Variants in TRIM37 observed in about 807,000 individuals in gnomAD.
The protein encoded by TRIM37 is tripartite motif containing 37, also known as E3 ubiquitin-protein ligase TRIM37.
Under a neutral mutation model 129.8 loss-of-function variants are expected in TRIM37, and 80 were observed. That is an observed-to-expected ratio of 0.62 (90% CI 0.51 to 0.74). TRIM37 has a LOEUF of 0.74. Ranked by LOEUF, TRIM37 falls within the 30% of genes least tolerant of loss-of-function variation. The pLI, the probability that TRIM37 is intolerant of heterozygous loss-of-function variation, is 0.00. For synonymous variants in TRIM37, 389 were observed against 387.1 expected, an observed-to-expected ratio of 1.00 and a Z score of -0.06; for missense variants, 1,054 against 1,176.5, an observed-to-expected ratio of 0.90 and a Z score of 1.52.
At chr17:59,043,403 A>C (rs1302324154) in intron 16 of TRIM37, among the ~76,000 whole-genome samples, 1 of 152,218 alleles carries the variant, frequency 6.6e-6, no homozygotes, top group Non-Finnish European at 1.5e-5. Flanking sequence ...ACTGGGTAAG[A>C]CAAGTGGGCA....
the TRIM37 span, chr17:58,972,167 C>T: frequency 6.2e-7 from 1 of 1,613,914 alleles, no homozygotes; most frequent in East Asian, 2.2e-5. Context: ...TGGTGACTTT[C>T]ATCAGAGGCA....
At chr17:59,047,163 GA>G (rs776978529) in intron 16 of TRIM37, among the ~76,000 whole-genome samples, 90 of 137,076 alleles carry the variant, frequency 6.6e-4, no homozygotes, top group Middle Eastern at 3.8e-3. Flanking sequence ...AAAAAAAAAG[GA>G]AAAAAAAAAA....
intron 2 of TRIM37, among the ~76,000 whole-genome samples, chr17:59,092,099 A>G (rs2044445468): frequency 6.6e-6 from 1 of 152,136 alleles, no homozygotes; most frequent in African/African-American, 2.4e-5. Context: ...AAGTCTTAAA[A>G]CAGTTTCACA....
At chr17:59,093,987 C>T (rs754612345) in intron 2 of TRIM37, among the ~76,000 whole-genome samples, 1 of 152,136 alleles carries the variant, frequency 6.6e-6, no homozygotes, top group Non-Finnish European at 1.5e-5. Context: ...CTCTGCCTCC[C>T]GGGTTCAAGC....
intron 13 of TRIM37, among the ~76,000 whole-genome samples, chr17:59,054,548 C>A (rs1433850206): frequency 6.6e-6 from 1 of 152,172 alleles, no homozygotes; most frequent in African/African-American, 2.4e-5. Flanking sequence ...GTGATCCACC[C>A]ACCTCAGCCT....
chr17:59,077,754 G>C (rs1159577205), intron 7 of TRIM37, among the ~76,000 whole-genome samples: 2 of 141,392 alleles, frequency 1.4e-5, no homozygotes, highest in Non-Finnish European at 3.0e-5. Flanking sequence ...AGGTTGCAGT[G>C]AGCCAAGATC....
In TRIM37 at chr17:59,012,255, C is replaced by CACA. The variant is rs1405976980; in HGVS notation, c.2695+72_2695+73insTGT. On this transcript the variant is annotated intron_variant, in intron 22 of 23. Coordinates refer to ENST00000262294, the MANE Select transcript of TRIM37 (RefSeq NM_015294.6). Reference sequence around the variant, plus strand: ...CCACCACCACCACCACCACCACCACCACCCACCACCCACCACCAAAAAAGG... The same window carrying CACA: ...CCACCACCACCACCACCACCACCACCACAACCCACCACCCACCACCAAAAAAGG... 216 of 1,010,882 alleles carry CACA rather than the reference C, an allele frequency of 2.1e-4. No homozygotes were observed. The African/African-American group carries it at 3.4e-3, about 16-fold the overall frequency. 62.6% of individuals were successfully genotyped at this position (1,010,882 alleles called of 1,614,324 possible). A position where few individuals can be genotyped will look rare whatever the true frequency, so the allele number is the denominator to read the frequency against.
At chr17:59,029,232 A>G (rs1410269557) in intron 18 of TRIM37, among the ~76,000 whole-genome samples, 1 of 152,184 alleles carries the variant, frequency 6.6e-6, no homozygotes, top group Non-Finnish European at 1.5e-5. Context: ...GTTCAAGATC[A>G]GCCAGGGGAG....
chr17:59,088,796 C>T (rs1411719307), intron 3 of TRIM37, among the ~76,000 whole-genome samples: 3 of 151,476 alleles, frequency 2.0e-5, no homozygotes, highest in Non-Finnish European at 4.4e-5. Flanking sequence ...TGAGCCACTA[C>T]CTGGCCCCAT....
At chr17:59,032,897 G>C (rs184037179) in intron 17 of TRIM37, among the ~76,000 whole-genome samples, 1 of 152,220 alleles carries the variant, frequency 6.6e-6, no homozygotes, top group Admixed American at 6.5e-5. Context: ...AAATAATGGG[G>C]TACAATTTGA....
intron 21 of TRIM37, among the ~76,000 whole-genome samples, chr17:59,015,107 TA>T (rs34792130): frequency 0.67 from 95,710 of 142,490 alleles, 32,259 homozygotes; most frequent in African/African-American, 0.79. Flanking sequence ...CTCATCCCAT[TA>T]AAAAAAAAAA....
chr17:58,986,419 G>C (rs563140121), intron 24 of TRIM37, among the ~76,000 whole-genome samples: 2 of 151,238 alleles, frequency 1.3e-5, no homozygotes, highest in South Asian at 2.1e-4. Context: ...GGCTGGTCTC[G>C]AACTCCTGAC....
intron 10 of TRIM37, among the ~76,000 whole-genome samples, chr17:59,063,088 T>C (rs2041633630): frequency 2.6e-5 from 4 of 151,570 alleles, no homozygotes; most frequent in Admixed American, 2.6e-4. Flanking sequence ...GGGAAAAACC[T>C]CAAAGAGACT....
intron 22 of TRIM37, among the ~76,000 whole-genome samples, chr17:59,002,781 C>A (rs1281008421): frequency 6.6e-6 from 1 of 152,116 alleles, no homozygotes; most frequent in Non-Finnish European, 1.5e-5. Context: ...CCCTGGAGAG[C>A]TTCCTGTGAG....
chr17:59,075,513 G>A (rs570928395), intron 8 of TRIM37, 134 bp downstream of exon 8: 25 of 618,144 alleles, frequency 4.0e-5, no homozygotes, highest in Admixed American at 9.3e-5. Flanking sequence ...ACAGTGAGCC[G>A]AGATCGCGCC....
chr17:59,030,506 TCTA>T (rs1383283283), intron 18 of TRIM37, among the ~76,000 whole-genome samples: 1 of 152,232 alleles, frequency 6.6e-6, no homozygotes, highest in Non-Finnish European at 1.5e-5. Flanking sequence ...GCTTTTTCTT[TCTA>T]CTATTTTCCC....
At position 58,999,222 on chromosome 17, in the gene TRIM37, G is replaced by A; in HGVS notation, c.*155C>T. On this transcript the variant is annotated 3_prime_UTR_variant, in exon 24 of 24. Transcript: ENST00000262294. Reference sequence around the variant, plus strand: ...CTACTGCTGTCTTAGACTAAACTGTGCCACCTTCCAACAGTTTCCAAATTA... The same window carrying A: ...CTACTGCTGTCTTAGACTAAACTGTACCACCTTCCAACAGTTTCCAAATTA... 3.3e-6 allele frequency: 5 copies of A among 1,537,988 alleles called. No homozygotes were observed. Among genetic ancestry groups the A allele is most frequent in the Non-Finnish European group, 4.4e-6 (5 of 1,144,754 alleles).
chr17:58,977,346 G>A, the TRIM37 span, among the ~76,000 whole-genome samples: 1 of 151,578 alleles, frequency 6.6e-6, no homozygotes, highest in Non-Finnish European at 1.5e-5. Context: ...GGGAGGCTGA[G>A]GCAGGAGAAT....
chr17:59,101,826 C>A (rs188896840), intron 2 of TRIM37, among the ~76,000 whole-genome samples: 1 of 149,762 alleles, frequency 6.7e-6, no homozygotes, highest in East Asian at 2.0e-4. Context: ...ATACTCCCAG[C>A]AACTTGAGAG....
Sources: gnomAD v4.1 joint callset for allele counts (sites outside exome capture counted in the v4.1 genomes callset) on GRCh38, gnomAD v4.1.1 for gene constraint, MANE v1.5 for transcripts, NCBI Gene and HGNC (gene_info 2026-07-23, HGNC 2026-07-21) for gene names.